Variants in HDLBP observed in about 807,000 individuals in gnomAD.
The protein encoded by HDLBP is high density lipoprotein binding protein.
A neutral mutation model predicts 137.3 loss-of-function variants in HDLBP; 30 were observed. That is an observed-to-expected ratio of 0.22 (90% CI 0.16 to 0.30). The LOEUF (loss-of-function observed/expected upper bound fraction) is 0.30, where lower values mean the gene tolerates loss of function less well. Among genes scored for constraint, HDLBP ranks in the 10% least tolerant of loss-of-function variants. HDLBP has a pLI of 1.00. For synonymous variants in HDLBP, 606 were observed against 596.0 expected, an observed-to-expected ratio of 1.02 and a Z score of -0.24; for missense variants, 1,119 against 1,667.3, an observed-to-expected ratio of 0.67 and a Z score of 5.73.
Position 241,255,557 on chromosome 2 carries a change from T to C in HDLBP, c.897A>G (p.Ala299=), listed in dbSNP as rs1222143034. ...TGTGTTGGGATTTCTTCACTTCCAC[T>C]GCAATGGTTGTAGTCTTCTTTTTCT... The part of the protein sequence containing the change: ...EEKKKKTTTI[A]VEVKKSQHKY... The change falls in exon 8 of 28, where the codon GCA becomes GCG. Residue 299 remains alanine (A), a synonymous_variant. Coordinates refer to ENST00000310931, the MANE Select transcript of HDLBP (RefSeq NM_005336.6). 3.7e-6 allele frequency: 6 copies of C among 1,613,926 alleles called. No individual in the cohort carries two copies. The highest frequency in any genetic ancestry group is 5.1e-6 in the Non-Finnish European group (6 of 1,179,782).
chr2:241,274,452 T>C (rs2074317215), intron 1 of HDLBP, among the ~76,000 whole-genome samples: 5 of 152,364 alleles, frequency 3.3e-5, no homozygotes, highest in African/African-American at 1.2e-4. Context: ...TCCGTGGGGA[T>C]TAACCAATCA....
At chr2:241,278,677 A>T (rs2074487124) in intron 1 of HDLBP, among the ~76,000 whole-genome samples, 1 of 152,220 alleles carries the variant, frequency 6.6e-6, no homozygotes, top group Non-Finnish European at 1.5e-5. Context: ...GCAAGAAAAG[A>T]AAGTTACCAG....
chr2:241,272,592 C>G lies in HDLBP; in HGVS notation c.-102-4051G>C, dbSNP rs2074174961. 1 of 983,796 alleles carries G rather than the reference C, an allele frequency of 1.0e-6. No homozygotes were observed. Among genetic ancestry groups the G allele is most frequent in the South Asian group, 4.7e-5 (1 of 21,276 alleles). 60.9% of individuals were successfully genotyped at this position (983,796 alleles called of 1,614,324 possible). ...ACCGCCACGCGCGGTAAGCAGGACA[C>G]CCGCGGGCGGGGGCCGCAGCCTGGG... On this transcript the variant is annotated intron_variant, in intron 1 of 27. Transcript: ENST00000310931. The surrounding 1 kb of genome is among the most constrained non-coding windows in gnomAD (Gnocchi z 5.6).
chr2:241,255,628 G>A, intron 7 of HDLBP, 48 bp from the exon 8 acceptor site: 1 of 1,486,748 alleles, frequency 6.7e-7, no homozygotes, highest in Non-Finnish European at 9.4e-7. Flanking sequence ...GGTGTGGGAA[G>A]CGGGCAGGTG....
intron 27 of HDLBP, 65 bp downstream of exon 27, chr2:241,229,768 G>A (rs1369919442): frequency 6.3e-7 from 1 of 1,597,642 alleles, no homozygotes; most frequent in Non-Finnish European, 8.5e-7. Context: ...CCACCCTCAG[G>A]ACACCAAGCC....
rs139853953 is a variant in HDLBP, at chr2:241,248,099, T to C, written c.1635A>G (p.Pro545=). 28 of 1,613,974 alleles carry C rather than the reference T, an allele frequency of 1.7e-5. No individual in the cohort carries two copies. In the African/African-American group the frequency reaches 3.1e-4, roughly 18 times the overall value. The change falls in exon 14 of 28, where the codon CCA becomes CCG. Residue 545 remains proline, a synonymous_variant. Transcript: ENST00000310931. ...CAATGTCACTTTTTTGTGCTGGGTC[T>C]GGAAAGTTAATGATGACCTAGAACA... The part of the protein sequence containing the change: ...DKFPEVIINF[P]DPAQKSDIVQ...
chr2:241,287,930 T>G (rs2074882512), intron 1 of HDLBP, among the ~76,000 whole-genome samples: 1 of 152,210 alleles, frequency 6.6e-6, no homozygotes, highest in African/African-American at 2.4e-5. Context: ...AGCTGTAGAA[T>G]GTGAAGACGG....
chr2:241,233,862 A>C lies in HDLBP; in HGVS notation c.3246T>G (p.His1082Gln), dbSNP rs1345245473. The change falls in exon 24 of 28, where the codon CAT (histidine) becomes CAG (glutamine). Residue 1082 changes from histidine to glutamine, a missense_variant. Transcript: ENST00000310931. The surrounding 1 kb of genome is among the most constrained non-coding windows in gnomAD (Gnocchi z 4.3). ...GAVITQIRLE[H>Q]DVNIQFPDKD... is the part of the protein sequence containing the mutation. Reference sequence around the variant, plus strand: ...TATCAGGAAACTGGATGTTCACGTCATGCTCCAACCGGATTTGGGTAATTA... The same window carrying C: ...TATCAGGAAACTGGATGTTCACGTCCTGCTCCAACCGGATTTGGGTAATTA... 1 of 1,614,084 alleles carries C rather than the reference A, an allele frequency of 6.2e-7. No individual in the cohort carries two copies. Among genetic ancestry groups the C allele is most frequent in the Non-Finnish European group, 8.5e-7 (1 of 1,180,046 alleles).
In HDLBP at chr2:241,255,603, G is replaced by A. The variant is rs533100144; in HGVS notation, c.874-23C>T. 1.1e-5 allele frequency: 18 copies of A among 1,587,598 alleles called. No individual in the cohort carries two copies. In the South Asian group the frequency reaches 2.0e-4, roughly 18 times the overall value. Reference sequence around the variant, plus strand: ...TTTCTAAATAAGAGCACCATAAGGGGCAGTCAAAGGGAAAGGTGTGGGAAG... The same window carrying A: ...TTTCTAAATAAGAGCACCATAAGGGACAGTCAAAGGGAAAGGTGTGGGAAG... On this transcript the variant is annotated intron_variant, in intron 7 of 27. Transcript: ENST00000310931.
intron 12 of HDLBP, chr2:241,249,437 G>A (rs1177568243): frequency 1.0e-5 from 5 of 480,010 alleles, no homozygotes; most frequent in South Asian, 4.6e-5. Context: ...CTTCTGCCAG[G>A]TGGTAGAGAG....
At chr2:241,247,724 C>A (rs1352395887) in intron 14 of HDLBP, among the ~76,000 whole-genome samples, 1 of 152,198 alleles carries the variant, frequency 6.6e-6, no homozygotes, top group Non-Finnish European at 1.5e-5. Context: ...TCTGAAGACT[C>A]CTCAAGGAAA....
rs759507598 is a variant in HDLBP at position 241,256,224 on chromosome 2, G to A, written c.833C>T (p.Ala278Val). 21 of 1,614,056 alleles carry A rather than the reference G, an allele frequency of 1.3e-5. No homozygotes were observed. The South Asian group carries it at 2.3e-4, about 18-fold the overall frequency. The change falls in exon 7 of 28, where the codon GCT becomes GTT. Residue 278 changes from alanine to valine, a missense_variant. Physicochemically the swap from Ala to Val is moderately conservative, Grantham distance 64. Around this residue, in one of 4 missense-constraint regions of HDLBP, gnomAD observed 425 missense variants for 693.9 expected, o/e 0.61. Transcript: ENST00000310931. ...CTTCTTGATGCGAGCCACAGCCTGA[G>A]CCAACTGTTCCTTCTCTCCAGTGAA... The part of the protein sequence containing the change: ...IVFTGEKEQL[A>V]QAVARIKKIY...
intron 1 of HDLBP, among the ~76,000 whole-genome samples, chr2:241,308,280 TC>T (rs1428082957): frequency 1.3e-5 from 2 of 152,218 alleles, no homozygotes; most frequent in Admixed American, 6.5e-5. Flanking sequence ...TACCAGTGTT[TC>T]AGCAACGCTT....
At position 241,253,468 on chromosome 2, in the gene HDLBP, G is replaced by A. The variant is rs756565008; in HGVS notation, c.1218C>T (p.Asp406=). 1.2e-6 allele frequency: 2 copies of A among 1,613,322 alleles called. No homozygotes were observed. Among genetic ancestry groups the A allele is most frequent in the South Asian group, 2.2e-5 (2 of 91,074 alleles). Reference sequence around the variant, plus strand: ...CTGTAGGGCCCTCCAGGGTGATCTTGTCTTCGCCCTCTGTGAACTCGATGT... The same window carrying A: ...CTGTAGGGCCCTCCAGGGTGATCTTATCTTCGCCCTCTGTGAACTCGATGT... ...KVHIEFTEGE[D]KITLEGPTED... is the part of the protein sequence containing the mutation. The change falls in exon 10 of 28, where the codon GAC becomes GAT. Residue 406 remains aspartate, a synonymous_variant. Coordinates refer to ENST00000310931, the MANE Select transcript of HDLBP (RefSeq NM_005336.6).
chr2:241,245,931 G>C (rs2071634135), intron 16 of HDLBP, among the ~76,000 whole-genome samples: 1 of 152,210 alleles, frequency 6.6e-6, no homozygotes. Context: ...CGTCAGTATT[G>C]ACAGCAAAAG....
chr2:241,239,022 G>GA lies in HDLBP; in HGVS notation c.2611-236dup, dbSNP rs2070911843. ...CCCAGAAGGCCAGGTGCCATCCCTG[G>GA]AGGGTGGCCAATTCAGCCAAAGGAG... On this transcript the variant is annotated intron_variant, in intron 19 of 27. Transcript: ENST00000310931. This position sits in a 1 kb window ranked among gnomAD's most constrained non-coding sequence, Gnocchi z 4.6. Among the ~76,000 whole-genome samples the GA allele has an allele frequency of 6.6e-6, 1 of 152,182 alleles. No individual in the cohort carries two copies. The highest frequency in any genetic ancestry group is 1.5e-5 in the Non-Finnish European group (1 of 68,022).
intron 1 of HDLBP, among the ~76,000 whole-genome samples, chr2:241,283,982 C>A (rs546398968): frequency 6.6e-6 from 1 of 151,474 alleles, no homozygotes; most frequent in African/African-American, 2.4e-5. Flanking sequence ...CTGTTTAAAA[C>A]GATTTACTGA....
intron 1 of HDLBP, among the ~76,000 whole-genome samples, chr2:241,296,942 G>C (rs1166976358): frequency 6.6e-6 from 1 of 152,260 alleles, no homozygotes. Flanking sequence ...GAACACGAGT[G>C]TGCGTCAGCA....
At chr2:241,314,385 T>A (rs2075909444) in intron 1 of HDLBP, among the ~76,000 whole-genome samples, 1 of 152,170 alleles carries the variant, frequency 6.6e-6, no homozygotes, top group Admixed American at 6.5e-5. Flanking sequence ...AATTGTGACT[T>A]AACCTATCTT....
Sources: gnomAD v4.1 joint callset for allele counts (sites outside exome capture counted in the v4.1 genomes callset) on GRCh38, gnomAD v4.1.1 for gene constraint, gnomAD v4.1.1 regional missense constraint, Gnocchi (gnomAD v3.1) non-coding constraint, MANE v1.5 for transcripts, NCBI Gene and HGNC (gene_info 2026-07-23, HGNC 2026-07-21) for gene names.